The following EPHA3 variants were observed in gnomAD, a reference collection of about 807,000 sequenced individuals.
EPHA3 encodes ephrin type-A receptor 3.
EPHA3 carries 42 observed loss-of-function variants against 107.1 expected under a neutral mutation model. The ratio of observed to expected loss-of-function variants is 0.39; its 90% CI spans 0.31 to 0.51. EPHA3 has a LOEUF of 0.51. Among genes scored for constraint, EPHA3 ranks in the 20% least tolerant of loss-of-function variants. The pLI is 0.78. For missense variants in EPHA3, 1,183 were observed against 1,211.2 expected, an observed-to-expected ratio of 0.98 and a Z score of 0.35; for synonymous variants, 461 against 424.8, an observed-to-expected ratio of 1.09 and a Z score of -1.05.
At chr3:89,282,237 T>C (rs554671621) in intron 3 of EPHA3, among the ~76,000 whole-genome samples, 60 of 152,282 alleles carry the variant, frequency 3.9e-4, no homozygotes, top group African/African-American at 1.4e-3. Context: ...TTATGATGAA[T>C]GCTATAATAA....
At chr3:89,445,299 C>T (rs1001000384) in intron 13 of EPHA3, among the ~76,000 whole-genome samples, 15 of 152,162 alleles carry the variant, frequency 9.9e-5, no homozygotes, top group African/African-American at 3.1e-4. Flanking sequence ...CACTTATTCA[C>T]ATCTTCTTCT....
intron 15 of EPHA3, among the ~76,000 whole-genome samples, chr3:89,459,198 T>A (rs1340798207): frequency 1.3e-5 from 2 of 151,978 alleles, no homozygotes; most frequent in Non-Finnish European, 2.9e-5. Flanking sequence ...GGTAAAATTT[T>A]AAAAAAGATA....
At chr3:89,204,504 ACACCC>A in intron 2 of EPHA3, among the ~76,000 whole-genome samples, 1 of 78,768 alleles carries the variant, frequency 1.3e-5, no homozygotes, top group Non-Finnish European at 3.2e-5. Flanking sequence ...ACACACACAC[ACACCC>A]CAAACAAAAA....
intron 3 of EPHA3, among the ~76,000 whole-genome samples, chr3:89,229,650 C>CTATTAA (rs1184689137): frequency 6.6e-6 from 1 of 151,408 alleles, no homozygotes; most frequent in East Asian, 1.9e-4. Context: ...AATAAATAAA[C>CTATTAA]TATTAAGTTC....
At chr3:89,472,729 A>T in intron 16 of EPHA3, 110 bp downstream of exon 16, 1 of 1,266,628 alleles carries the variant, frequency 7.9e-7, no homozygotes, top group Non-Finnish European at 1.1e-6. Context: ...TATTAGTGGT[A>T]GATCTGAGGT....
chr3:89,405,575 CCTAT>C (rs1463330110), intron 7 of EPHA3, among the ~76,000 whole-genome samples: 2 of 152,170 alleles, frequency 1.3e-5, no homozygotes, highest in Admixed American at 6.5e-5. Context: ...CTCCTAACAA[CCTAT>C]CTGTCACGTT....
chr3:89,358,887 C>A (rs1221619245), intron 5 of EPHA3, among the ~76,000 whole-genome samples: 1 of 151,040 alleles, frequency 6.6e-6, no homozygotes, highest in Non-Finnish European at 1.5e-5. Flanking sequence ...AATGATCTCT[C>A]AAATGCATGT....
intron 3 of EPHA3, among the ~76,000 whole-genome samples, chr3:89,233,263 T>C (rs1704679763): frequency 6.6e-6 from 1 of 152,168 alleles, no homozygotes; most frequent in Non-Finnish European, 1.5e-5. Context: ...GAAAGCCTTG[T>C]TCATGGGTAA....
intron 9 of EPHA3, among the ~76,000 whole-genome samples, chr3:89,410,151 G>A (rs1333485596): frequency 6.6e-6 from 1 of 151,732 alleles, no homozygotes; most frequent in African/African-American, 2.4e-5. Context: ...TTTACTTGGG[G>A]GTGTATATGT....
chr3:89,350,774 G>T (rs1707793517), intron 5 of EPHA3, among the ~76,000 whole-genome samples: 1 of 150,874 alleles, frequency 6.6e-6, no homozygotes, highest in Non-Finnish European at 1.5e-5. Flanking sequence ...TTTGATGATG[G>T]TGATGTACAG....
intron 3 of EPHA3, among the ~76,000 whole-genome samples, chr3:89,316,418 C>T (rs146521689): frequency 1.3e-4 from 19 of 149,682 alleles, no homozygotes; most frequent in African/African-American, 3.7e-4. Flanking sequence ...GTTTCACTAA[C>T]GCATTTTGAC....
intron 5 of EPHA3, among the ~76,000 whole-genome samples, chr3:89,348,687 A>C (rs1707733641): frequency 1.1e-5 from 1 of 89,332 alleles, no homozygotes. Flanking sequence ...TTGCTTTTCT[A>C]GTTCTTTTAA....
chr3:89,246,871 T>A (rs1705046626), intron 3 of EPHA3, among the ~76,000 whole-genome samples: 1 of 152,202 alleles, frequency 6.6e-6, no homozygotes, highest in Non-Finnish European at 1.5e-5. Context: ...TAATGTCCTT[T>A]GGAGCAGTAG....
intron 3 of EPHA3, among the ~76,000 whole-genome samples, chr3:89,216,564 G>A (rs534829818): frequency 1.3e-5 from 2 of 152,140 alleles, no homozygotes; most frequent in South Asian, 4.1e-4. Flanking sequence ...CCTAAAGAAA[G>A]TCTTGAAATT....
In EPHA3 at chr3:89,399,323, A is replaced by G; in HGVS notation, c.1437A>G (p.Glu479=). The G allele has an allele frequency of 6.3e-7, 1 of 1,594,564 alleles. No individual in the cohort carries two copies. Residue 479 remains glutamate (E), a synonymous_variant, in exon 7 of 17, where the codon GAA becomes GAG. Coordinates refer to ENST00000336596, the MANE Select transcript of EPHA3 (RefSeq NM_005233.6). ...DYEVKYYEKQ[E]QETSYTILRA... The stretch of plus-strand genomic sequence containing the variant: ...TTTTTTTTCTGACCTCAAAGCAGGA[A>G]CAAGAAACAAGTTATACCATTCTGA...
At chr3:89,335,960 G>A (rs578084229) in intron 3 of EPHA3, among the ~76,000 whole-genome samples, 2 of 152,156 alleles carry the variant, frequency 1.3e-5, no homozygotes, top group Non-Finnish European at 2.9e-5. Context: ...CCTTAGTTAA[G>A]TATTGATTTA....
At chr3:89,435,076 G>T (rs1289892038) in intron 13 of EPHA3, among the ~76,000 whole-genome samples, 1 of 149,846 alleles carries the variant, frequency 6.7e-6, no homozygotes, top group Non-Finnish European at 1.5e-5. Flanking sequence ...GTAATAAGAA[G>T]ACTTCAATTT....
chr3:89,296,693 G>A (rs1412207628), intron 3 of EPHA3, among the ~76,000 whole-genome samples: 1 of 152,144 alleles, frequency 6.6e-6, no homozygotes, highest in Non-Finnish European at 1.5e-5. Flanking sequence ...CTTCTACTAA[G>A]GGAGTCAGCC....
intron 3 of EPHA3, among the ~76,000 whole-genome samples, chr3:89,227,613 A>G (rs1704531600): frequency 6.6e-6 from 1 of 152,046 alleles, no homozygotes; most frequent in South Asian, 2.1e-4. Context: ...GTACATATCC[A>G]GGAACAACTA....
Sources: allele counts gnomAD v4.1 joint callset (sites outside exome capture counted in the v4.1 genomes callset), GRCh38; gene constraint gnomAD v4.1.1; transcripts MANE v1.5; gene names NCBI Gene and HGNC (gene_info 2026-07-23, HGNC 2026-07-21).